The following MAN2A1 variants were observed in gnomAD, a reference collection of about 807,000 sequenced individuals.
MAN2A1 encodes the protein alpha-mannosidase 2.
A neutral mutation model predicts 142.6 loss-of-function variants in MAN2A1; 76 were observed. The observed-to-expected ratio is 0.53, with a 90% CI of 0.44 to 0.65. The LOEUF (loss-of-function observed/expected upper bound fraction) is 0.65. Ranked by LOEUF, MAN2A1 falls within the 30% of genes least tolerant of loss-of-function variation. The pLI is 0.00. For missense variants in MAN2A1, 1,311 were observed against 1,365.1 expected (o/e 0.96, Z 0.62); for synonymous variants, 559 against 473.2 (o/e 1.18, Z -2.35).
intron 12 of MAN2A1, among the ~76,000 whole-genome samples, chr5:109,806,512 G>C (rs1158371795): frequency 1.3e-5 from 2 of 152,082 alleles, no homozygotes; most frequent in Non-Finnish European, 2.9e-5. Context: ...CTTTAATACA[G>C]TTTTATATTT....
intron 20 of MAN2A1, among the ~76,000 whole-genome samples, chr5:109,861,139 T>G (rs181948570): frequency 5.3e-5 from 8 of 152,264 alleles, no homozygotes; most frequent in Non-Finnish European, 7.4e-5. Flanking sequence ...CTTAACTCTC[T>G]GAGTGTCAGG....
At chr5:109,823,276 A>G (rs1754675461) in intron 15 of MAN2A1, among the ~76,000 whole-genome samples, 1 of 152,130 alleles carries the variant, frequency 6.6e-6, no homozygotes, top group South Asian at 2.1e-4. Context: ...ATGTTTCTGA[A>G]TCCTGCTTTC....
At chr5:109,756,475 A>G (rs1431484817) in intron 5 of MAN2A1, among the ~76,000 whole-genome samples, 1 of 152,194 alleles carries the variant, frequency 6.6e-6, no homozygotes, top group Non-Finnish European at 1.5e-5. Flanking sequence ...TAGAGATAAA[A>G]TTCTTAATCC....
intron 12 of MAN2A1, among the ~76,000 whole-genome samples, chr5:109,796,404 A>G (rs1002559411): frequency 2.0e-5 from 3 of 152,212 alleles, no homozygotes; most frequent in African/African-American, 7.2e-5. Flanking sequence ...AATATTAAGA[A>G]TAACACATAC....
At chr5:109,821,388 TC>T (rs1754618516) in intron 15 of MAN2A1, among the ~76,000 whole-genome samples, 1 of 152,184 alleles carries the variant, frequency 6.6e-6, no homozygotes, top group African/African-American at 2.4e-5. Context: ...TTTGTAGCAT[TC>T]AAAAAGAATG....
At chr5:109,781,110 A>G (rs1042567052) in intron 8 of MAN2A1, among the ~76,000 whole-genome samples, 1 of 152,076 alleles carries the variant, frequency 6.6e-6, no homozygotes, top group Non-Finnish European at 1.5e-5. Flanking sequence ...AATTCTAGAG[A>G]TATGTAGGAG....
chr5:109,813,719 G>A (rs937365124), intron 12 of MAN2A1, among the ~76,000 whole-genome samples: 7 of 152,188 alleles, frequency 4.6e-5, no homozygotes, highest in African/African-American at 1.7e-4. Context: ...AGAAAATTCA[G>A]TATTCCATAG....
rs149714190 is a variant in MAN2A1 at position 109,784,885 on chromosome 5, A to G, written c.1719A>G (p.Thr573=). ...TGTTTCAACATCATGATGCTATCAC[A>G]GGAACTGCAAAAGACTGGGTGGTTG... ...LGLFQHHDAI[T]GTAKDWVVVD... The change falls in exon 10 of 22, where the codon ACA becomes ACG. Residue 573 remains threonine (T), a synonymous_variant. Coordinates refer to ENST00000261483, the MANE Select transcript of MAN2A1 (RefSeq NM_002372.4). The G allele has an allele frequency of 1.6e-5, 25 of 1,609,806 alleles. No individual in the cohort carries two copies. The highest frequency in any genetic ancestry group is 2.0e-5 in the Non-Finnish European group (23 of 1,178,582).
At chr5:109,755,530 C>T in intron 5 of MAN2A1, 74 bp downstream of exon 5, 1 of 1,164,346 alleles carries the variant, frequency 8.6e-7, no homozygotes, top group Non-Finnish European at 1.2e-6. Flanking sequence ...AGGCTCTGTT[C>T]TTTTTTCGAG....
intron 15 of MAN2A1, among the ~76,000 whole-genome samples, chr5:109,822,886 C>T (rs1193279214): frequency 6.6e-6 from 1 of 152,044 alleles, no homozygotes; most frequent in Non-Finnish European, 1.5e-5. Context: ...ACCATGTTAG[C>T]CAGGATGGTC....
intron 12 of MAN2A1, among the ~76,000 whole-genome samples, chr5:109,800,236 A>G (rs1753984451): frequency 6.6e-6 from 1 of 152,160 alleles, no homozygotes; most frequent in African/African-American, 2.4e-5. Context: ...TACATCTTAC[A>G]TCCTCTGGAA....
rs1374492965 is a variant in MAN2A1 at position 109,776,442 on chromosome 5, G to A, written c.1374+1477G>A. 7.2e-5 allele frequency among the ~76,000 whole-genome samples: 11 copies of A among 152,134 alleles called. 1 individual carries two copies. In the South Asian group the frequency reaches 2.3e-3, roughly 32 times the overall value. ...CTCATACATGAATATGTGATCAGAG[G>A]AAGGGATATATATATGAGTATCTTA... On this transcript the variant is annotated intron_variant, in intron 8 of 21. Coordinates refer to ENST00000261483, the MANE Select transcript of MAN2A1 (RefSeq NM_002372.4).
At chr5:109,798,570 T>G (rs561577586) in intron 12 of MAN2A1, among the ~76,000 whole-genome samples, 2 of 152,358 alleles carry the variant, frequency 1.3e-5, no homozygotes, top group East Asian at 3.9e-4. Flanking sequence ...TCAAAATTAG[T>G]TTGGACAATA....
chr5:109,817,877 A>G (rs1754511838), intron 13 of MAN2A1, among the ~76,000 whole-genome samples: 3 of 152,158 alleles, frequency 2.0e-5, no homozygotes, highest in Admixed American at 2.0e-4. Context: ...ATAACACACC[A>G]TGGAAGAGAA....
chr5:109,701,313 T>C (rs1003963278), intron 1 of MAN2A1, among the ~76,000 whole-genome samples: 8 of 152,220 alleles, frequency 5.3e-5, no homozygotes, highest in African/African-American at 1.7e-4. Flanking sequence ...AAATTGCTAG[T>C]GTAAAGTACG....
chr5:109,754,258 T>C (rs1360126582), intron 4 of MAN2A1, among the ~76,000 whole-genome samples: 3 of 152,270 alleles, frequency 2.0e-5, no homozygotes, highest in Middle Eastern at 3.4e-3. Flanking sequence ...CTATTTCAAA[T>C]TTTTAATAGT....
chr5:109,741,094 T>C (rs80210794), intron 4 of MAN2A1, among the ~76,000 whole-genome samples: 2,824 of 152,302 alleles, frequency 0.019, 34 homozygotes, highest in Middle Eastern at 0.071. Flanking sequence ...CTCAGATTTG[T>C]CTCACTCAGA....
chr5:109,761,081 T>C (rs1035128769), intron 5 of MAN2A1, among the ~76,000 whole-genome samples: 8 of 151,296 alleles, frequency 5.3e-5, no homozygotes, highest in Non-Finnish European at 7.4e-5. Flanking sequence ...ATTTTTCATA[T>C]GCATGTGTAT....
intron 1 of MAN2A1, among the ~76,000 whole-genome samples, chr5:109,711,329 A>T (rs1048855502): frequency 6.6e-6 from 1 of 152,222 alleles, no homozygotes; most frequent in African/African-American, 2.4e-5. Context: ...AGAATCTATC[A>T]GAAGGGATTT....
Sources: allele counts gnomAD v4.1 joint callset (sites outside exome capture counted in the v4.1 genomes callset), GRCh38; gene constraint gnomAD v4.1.1; transcripts MANE v1.5; gene names NCBI Gene and HGNC (gene_info 2026-07-23, HGNC 2026-07-21).